The following NRG2 variants were observed in gnomAD, a reference collection of about 807,000 sequenced individuals.
NRG2 encodes neuregulin 2, also known as pro-neuregulin-2, membrane-bound isoform.
Under a neutral mutation model 73.9 loss-of-function variants are expected in NRG2, and 27 were observed. The observed-to-expected ratio is 0.37, with a 90% CI of 0.27 to 0.50. The LOEUF (loss-of-function observed/expected upper bound fraction) is 0.50. Among genes scored for constraint, NRG2 ranks in the 20% least tolerant of loss-of-function variants. NRG2 has a pLI of 0.96. For synonymous variants in NRG2, 532 were observed against 541.0 expected, an observed-to-expected ratio of 0.98 and a Z score of 0.23; for missense variants, 1,126 against 1,210.1, an observed-to-expected ratio of 0.93 and a Z score of 1.03.
chr5:139,940,781 T>C (rs1290546725), intron 1 of NRG2, among the ~76,000 whole-genome samples: 1 of 152,132 alleles, frequency 6.6e-6, no homozygotes, highest in Non-Finnish European at 1.5e-5. Flanking sequence ...GTCTGGAGTC[T>C]GAGATATGTG....
rs1412774777 is a variant in NRG2 at position 139,847,934 on chromosome 5, C to A, written c.2536G>T (p.Asp846Tyr). ...SRGPPPRAKQ[D>Y]SAPL ...GCGGGGCCCTAGAGTGGCGCCGAGTCCTGCTTGGCCCGCGGGGGCGGCCCG... is the reference window on the plus strand; with the variant it reads ...GCGGGGCCCTAGAGTGGCGCCGAGTACTGCTTGGCCCGCGGGGGCGGCCCG... Residue 846 changes from aspartate to tyrosine, a missense_variant, in exon 10 of 10, where the codon GAC becomes TAC. By Grantham distance (160) the Asp-to-Tyr change is radical. Coordinates refer to ENST00000361474, the MANE Select transcript of NRG2 (RefSeq NM_004883.3). 4 of 1,495,818 alleles carry A rather than the reference C, an allele frequency of 2.7e-6. No individual in the cohort carries two copies. Among genetic ancestry groups the A allele is most frequent in the South Asian group, 2.5e-5 (2 of 79,270 alleles). The allele number at this position is 1,495,818 out of a possible 1,614,324, so 92.7% of individuals were successfully genotyped here. A position where few individuals can be genotyped will look rare whatever the true frequency, so the allele number is the denominator to read the frequency against.
In NRG2 at chr5:140,034,022, G is replaced by A. The variant is rs944445529; in HGVS notation, c.700+8348C>T. ...CACCCAGGCTGCAGTGCAGTGGCGCGATCTTGGCTCACTGCAACCTCTGCC... is the reference window on the plus strand; with the variant it reads ...CACCCAGGCTGCAGTGCAGTGGCGCAATCTTGGCTCACTGCAACCTCTGCC... On this transcript the variant is annotated intron_variant, in intron 1 of 9. Transcript: ENST00000361474. Among the ~76,000 whole-genome samples the A allele has an allele frequency of 5.3e-5, 8 of 151,356 alleles. No individual in the cohort carries two copies. The East Asian group carries it at 5.8e-4, about 11-fold the overall frequency.
At chr5:139,974,969 C>T (rs1186882227) in intron 1 of NRG2, among the ~76,000 whole-genome samples, 1 of 152,242 alleles carries the variant, frequency 6.6e-6, no homozygotes, top group Non-Finnish European at 1.5e-5. Flanking sequence ...TGTATGTAGG[C>T]CATGCGCCCC....
chr5:139,975,336 G>A (rs942333895), intron 1 of NRG2, among the ~76,000 whole-genome samples: 2 of 152,272 alleles, frequency 1.3e-5, no homozygotes, highest in Admixed American at 6.5e-5. Context: ...CAGGGCCTCC[G>A]AGGCACAGAC....
chr5:139,861,675 C>T (rs1203504500), intron 5 of NRG2: 3 of 499,220 alleles, frequency 6.0e-6, no homozygotes, highest in East Asian at 1.1e-4. Flanking sequence ...AAAAAGTTGC[C>T]GTAAGTACAG....
At chr5:139,963,993 GA>G (rs1180909177) in intron 1 of NRG2, among the ~76,000 whole-genome samples, 2 of 152,010 alleles carry the variant, frequency 1.3e-5, no homozygotes, top group South Asian at 2.1e-4. Context: ...AAAAGAACAA[GA>G]GAAAAAAAAG....
At chr5:140,019,283 G>T (rs984337582) in intron 1 of NRG2, among the ~76,000 whole-genome samples, 5 of 152,222 alleles carry the variant, frequency 3.3e-5, no homozygotes, top group African/African-American at 1.2e-4. Context: ...ACACAGCCCA[G>T]TTCCAACAAG....
intron 1 of NRG2, among the ~76,000 whole-genome samples, chr5:139,905,111 C>T (rs1195311202): frequency 1.3e-5 from 2 of 152,144 alleles, no homozygotes; most frequent in African/African-American, 2.4e-5. Context: ...TGGCTTGTAG[C>T]CCCCCTCCCA....
At position 139,853,375 on chromosome 5, in the gene NRG2, A is replaced by T. The variant is rs1334082228; in HGVS notation, c.1293-348T>A. 6.6e-6 allele frequency among the ~76,000 whole-genome samples: 1 copy of T among 152,232 alleles called. No individual in the cohort carries two copies. Among genetic ancestry groups the T allele is most frequent in the Non-Finnish European group, 1.5e-5 (1 of 68,042 alleles). ...GACTATTGAGGATTAAAAGTATATGAAACATTCAAGCACAGTGCTGACTCC... is the reference window on the plus strand; with the variant it reads ...GACTATTGAGGATTAAAAGTATATGTAACATTCAAGCACAGTGCTGACTCC... On this transcript the variant is annotated intron_variant, in intron 6 of 9. Transcript: ENST00000361474. This position sits in a 1 kb window ranked among gnomAD's most constrained non-coding sequence, Gnocchi z 4.1.
intron 3 of NRG2, among the ~76,000 whole-genome samples, chr5:139,878,483 G>A (rs891425540): frequency 1.3e-5 from 2 of 152,148 alleles, no homozygotes; most frequent in Non-Finnish European, 2.9e-5. Flanking sequence ...CATGAGAGAG[G>A]CCCATTTTAC....
At chr5:139,939,260 C>T (rs369780976) in intron 1 of NRG2, among the ~76,000 whole-genome samples, 1,866 of 136,818 alleles carry the variant, frequency 0.014, 35 homozygotes, top group African/African-American at 0.047. Context: ...TTCTTTCTTT[C>T]TTTTTCTTTC....
chr5:139,848,775 G>GGGGGC, intron 9 of NRG2, 78 bp from the exon 10 acceptor site: 1 of 601,720 alleles, frequency 1.7e-6, no homozygotes. Flanking sequence ...GTGGGGTAGG[G>GGGGGC]TGGGAGGGGC....
chr5:140,006,323 CA>C (rs1758898225), intron 1 of NRG2, among the ~76,000 whole-genome samples: 1 of 152,186 alleles, frequency 6.6e-6, no homozygotes, highest in Non-Finnish European at 1.5e-5. Flanking sequence ...CAGATTGCCC[CA>C]ATTTGGCTCT....
chr5:139,943,313 A>AT (rs369698409), intron 1 of NRG2, among the ~76,000 whole-genome samples: 2,131 of 150,564 alleles, frequency 0.014, 23 homozygotes, highest in Middle Eastern at 0.058. Flanking sequence ...TGCCTGGCTA[A>AT]TTTTTTTTGT....
intron 1 of NRG2, among the ~76,000 whole-genome samples, chr5:139,976,137 T>C (rs1353013762): frequency 6.6e-6 from 1 of 152,202 alleles, no homozygotes; most frequent in Admixed American, 6.5e-5. Flanking sequence ...GCTGGGTCTA[T>C]GTGACTCTCA....
Position 139,865,505 on chromosome 5 carries a change from G to A in NRG2, c.1189+44C>T. 1 of 1,512,160 alleles carries A rather than the reference G, an allele frequency of 6.6e-7. No individual in the cohort carries two copies. The highest frequency in any genetic ancestry group is 9.2e-7 in the Non-Finnish European group (1 of 1,090,046). 93.7% of individuals were successfully genotyped at this position (1,512,160 alleles called of 1,614,324 possible). On this transcript the variant is annotated intron_variant, in intron 5 of 9. Transcript: ENST00000361474. The surrounding 1 kb of genome is among the most constrained non-coding windows in gnomAD (Gnocchi z 5.2). ...TACATTGGGGGGACTGCACCCAGAA[G>A]CTTTCTAAGGAGCAGGGACTTGTGT...
chr5:139,880,349 A>C (rs1303117493), intron 3 of NRG2, among the ~76,000 whole-genome samples: 1 of 152,140 alleles, frequency 6.6e-6, no homozygotes, highest in African/African-American at 2.4e-5. Context: ...TCAAGGAGTG[A>C]GGATGGCCTG....
At chr5:139,881,796 C>A (rs1763542780) in intron 2 of NRG2, among the ~76,000 whole-genome samples, 1 of 152,214 alleles carries the variant, frequency 6.6e-6, no homozygotes, top group Admixed American at 6.5e-5. Context: ...AGCCCTGAAG[C>A]TTTGCACCTA....
chr5:139,973,768 G>A (rs751209523), intron 1 of NRG2, among the ~76,000 whole-genome samples: 21 of 152,218 alleles, frequency 1.4e-4, no homozygotes, highest in Non-Finnish European at 2.5e-4. Flanking sequence ...CAGATTCAGT[G>A]TCTGGTGAGG....
Sources: gnomAD v4.1 joint callset for allele counts (sites outside exome capture counted in the v4.1 genomes callset) on GRCh38, gnomAD v4.1.1 for gene constraint, Gnocchi (gnomAD v3.1) non-coding constraint, MANE v1.5 for transcripts, NCBI Gene and HGNC (gene_info 2026-07-23, HGNC 2026-07-21) for gene names.